The following IL6R variants were observed in gnomAD, a reference collection of about 807,000 sequenced individuals.
IL6R encodes the protein interleukin-6 receptor subunit alpha.
Under a neutral mutation model 48.3 loss-of-function variants are expected in IL6R, and 38 were observed. That is an observed-to-expected ratio of 0.79 (90% confidence interval 0.61 to 1.03). The LOEUF (loss-of-function observed/expected upper bound fraction) is 1.03, where lower values mean the gene tolerates loss of function less well. Among genes scored for constraint, IL6R ranks in the 50% least tolerant of loss-of-function variants. The pLI, the probability that IL6R is intolerant of heterozygous loss-of-function variation, is 0.00. For missense variants in IL6R, 534 were observed against 618.3 expected (o/e 0.86, Z 1.45); for synonymous variants, 264 against 256.2 (o/e 1.03, Z -0.29).
At chr1:154,445,706 C>T (rs1165386798) in intron 6 of IL6R, among the ~76,000 whole-genome samples, 2 of 151,206 alleles carry the variant, frequency 1.3e-5, no homozygotes, top group Middle Eastern at 3.2e-3. Flanking sequence ...GCTGAGTTTG[C>T]GCCACAGCAC....
At chr1:154,422,341 A>G (rs1338728006) in intron 1 of IL6R, among the ~76,000 whole-genome samples, 3 of 152,204 alleles carry the variant, frequency 2.0e-5, no homozygotes, top group South Asian at 2.1e-4. Flanking sequence ...CAAGGCCCCA[A>G]TAAAATCTCT....
At chr1:154,461,604 A>T (rs1691268487) in intron 9 of IL6R, among the ~76,000 whole-genome samples, 1 of 152,242 alleles carries the variant, frequency 6.6e-6, no homozygotes, top group Non-Finnish European at 1.5e-5. Context: ...AAAGCTAATG[A>T]TTAATAATGT....
intron 6 of IL6R, among the ~76,000 whole-genome samples, chr1:154,446,941 C>G (rs1690259482): frequency 6.6e-6 from 1 of 152,038 alleles, no homozygotes; most frequent in Non-Finnish European, 1.5e-5. Flanking sequence ...TCTTGTCTTG[C>G]ATTCTTCATA....
Position 154,405,864 on chromosome 1 carries a change from T to A in IL6R, c.85+150T>A. The stretch of plus-strand genomic sequence containing the variant: ...GCTGCCTTGAGGCCCCGCGGGTACC[T>A]AGCTGTGTGGTCGCGGGTAGTGGCT... On this transcript the variant is annotated intron_variant, in intron 1 of 9. Coordinates refer to ENST00000368485, the MANE Select transcript of IL6R (RefSeq NM_000565.4). The surrounding 1 kb of genome is among the most constrained non-coding windows in gnomAD (Gnocchi z 5.2). 1.6e-6 allele frequency: 1 copy of A among 628,972 alleles called. No homozygotes were observed. The highest frequency in any genetic ancestry group is 2.6e-6 in the Non-Finnish European group (1 of 380,356). The allele number at this position is 628,972 out of a possible 1,614,324, so 39.0% of individuals were successfully genotyped here.
At chr1:154,421,880 C>T (rs534015296) in intron 1 of IL6R, among the ~76,000 whole-genome samples, 6 of 152,166 alleles carry the variant, frequency 3.9e-5, no homozygotes, top group Non-Finnish European at 8.8e-5. Flanking sequence ...CTCAGCCTCC[C>T]AATGTGCTGG....
intron 1 of IL6R, among the ~76,000 whole-genome samples, chr1:154,411,594 T>C (rs1688023069): frequency 6.6e-6 from 1 of 152,178 alleles, no homozygotes; most frequent in Non-Finnish European, 1.5e-5. Context: ...GAGAGGCCGC[T>C]GAGGTAGCAG....
intron 5 of IL6R, 120 bp from the exon 6 acceptor site, chr1:154,435,849 G>T (rs1689594886): frequency 1.2e-6 from 1 of 802,346 alleles, no homozygotes; most frequent in Non-Finnish European, 1.9e-6. Flanking sequence ...GGTTGTGGGA[G>T]CCTCTAGAGG....
Position 154,449,965 on chromosome 1 carries a change from G to C in IL6R, c.1051G>C (p.Ala351Pro), listed in dbSNP as rs1249838930. Residue 351 changes from alanine (A) to proline (P), a missense_variant, in exon 8 of 10, where the codon GCG becomes CCG. Transcript: ENST00000368485. ...DNILFRDSAN[A>P]TSLPVQDSSS... The stretch of plus-strand genomic sequence containing the variant: ...TATTCTCTTCAGAGATTCTGCAAAT[G>C]CGACAAGCCTCCCAGGTAAGGACTG... 6.2e-7 allele frequency: 1 copy of C among 1,607,776 alleles called. No individual in the cohort carries two copies. The highest frequency in any genetic ancestry group is 1.3e-5 in the African/African-American group (1 of 74,792).
At position 154,466,012 on chromosome 1, in the gene IL6R, G is replaced by C. The variant is rs1691537985; in HGVS notation, c.*632G>C. ...GAATAATACAGTATCTCAGGGCCTG[G>C]TCGTTTTCAACAGAATTATAATTAG... On this transcript the variant is annotated 3_prime_UTR_variant, in exon 10 of 10. Coordinates refer to ENST00000368485, the MANE Select transcript of IL6R (RefSeq NM_000565.4). 6.5e-6 allele frequency: 1 copy of C among 153,078 alleles called. No homozygotes were observed. Among genetic ancestry groups the C allele is most frequent in the Non-Finnish European group, 1.5e-5 (1 of 68,392 alleles). The allele number at this position is 153,078 out of a possible 1,614,324, so 9.5% of individuals were successfully genotyped here.
intron 1 of IL6R, among the ~76,000 whole-genome samples, chr1:154,406,112 C>T (rs969146356): frequency 1.3e-5 from 2 of 152,168 alleles, no homozygotes; most frequent in Non-Finnish European, 2.9e-5. Context: ...GTGATGTACC[C>T]GCCTGGGGAG....
intron 1 of IL6R, among the ~76,000 whole-genome samples, chr1:154,421,767 G>C (rs756723151): frequency 6.6e-6 from 1 of 152,036 alleles, no homozygotes; most frequent in Non-Finnish European, 1.5e-5. Context: ...CCGCAGACAT[G>C]TGTCACCATG....
At chr1:154,406,071 G>A (rs1194977192) in intron 1 of IL6R, among the ~76,000 whole-genome samples, 1 of 152,200 alleles carries the variant, frequency 6.6e-6, no homozygotes. Flanking sequence ...ACTCTAAGGG[G>A]AGACTGCCCG....
chr1:154,435,956 C>G lies in IL6R; in HGVS notation c.808-13C>G, dbSNP rs114283925. The G allele has an allele frequency of 1.7e-5, 27 of 1,588,074 alleles. No homozygotes were observed. Among genetic ancestry groups the G allele is most frequent in the Non-Finnish European group, 2.3e-5 (27 of 1,161,964 alleles). ...TGGATACCTCCCCAGAGTCACCGTG[C>G]CCCCGCCCTCAGGTCAAGGACCTCC... On this transcript the variant is annotated splice_polypyrimidine_tract_variant and intron_variant, in intron 5 of 9. Transcript: ENST00000368485.
At chr1:154,463,747 C>G (rs1366005320) in intron 9 of IL6R, among the ~76,000 whole-genome samples, 1 of 152,238 alleles carries the variant, frequency 6.6e-6, no homozygotes, top group East Asian at 1.9e-4. Context: ...ACCATTTCAT[C>G]TTTCTTTGAG....
chr1:154,434,924 A>G, intron 4 of IL6R, 66 bp from the exon 5 acceptor site: 1 of 1,548,230 alleles, frequency 6.5e-7, no homozygotes, highest in East Asian at 2.3e-5. Context: ...CTGGGATCTC[A>G]GCCTACATGG....
At chr1:154,418,317 G>T in intron 1 of IL6R, 1 of 576,414 alleles carries the variant, frequency 1.7e-6, no homozygotes, top group Non-Finnish European at 2.2e-6. Context: ...GCGCACGTGG[G>T]TCTCTGAGTC....
intron 1 of IL6R, among the ~76,000 whole-genome samples, 175 bp from the exon 2 acceptor site, chr1:154,429,021 T>A (rs924072005): frequency 3.9e-5 from 6 of 152,086 alleles, no homozygotes; most frequent in Admixed American, 6.5e-5. Context: ...AGCTGGATGG[T>A]GAAGACCAGG....
At chr1:154,442,166 C>T (rs1689973318) in intron 6 of IL6R, among the ~76,000 whole-genome samples, 1 of 151,940 alleles carries the variant, frequency 6.6e-6, no homozygotes, top group Admixed American at 6.6e-5. Context: ...TTAGTATGTG[C>T]TTGAGGGGGC....
At chr1:154,407,925 G>A (rs1442292420) in intron 1 of IL6R, among the ~76,000 whole-genome samples, 1 of 152,156 alleles carries the variant, frequency 6.6e-6, no homozygotes, top group African/African-American at 2.4e-5. Flanking sequence ...AAAGAAGTAT[G>A]TATACCTTTA....
Sources: gnomAD v4.1 joint callset for allele counts (sites outside exome capture counted in the v4.1 genomes callset) on GRCh38, gnomAD v4.1.1 for gene constraint, Gnocchi (gnomAD v3.1) non-coding constraint, MANE v1.5 for transcripts, NCBI Gene and HGNC (gene_info 2026-07-23, HGNC 2026-07-21) for gene names.